The following RELN variants were observed in gnomAD, a reference collection of about 807,000 sequenced individuals.
RELN encodes reelin.
RELN carries 108 observed loss-of-function variants against 427.6 expected under a neutral mutation model. The ratio of observed to expected loss-of-function variants is 0.25; its 90% CI spans 0.22 to 0.30. RELN has a LOEUF of 0.30. Among genes scored for constraint, RELN ranks in the 10% least tolerant of loss-of-function variants. The pLI, the probability that RELN is intolerant of heterozygous loss-of-function variation, is 1.00. For synonymous variants in RELN, 1,524 were observed against 1,513.4 expected (o/e 1.01, Z -0.16); for missense variants, 3,715 against 4,302.8 (o/e 0.86, Z 3.82).
chr7:103,506,952 T>A (rs1413083295), intron 51 of RELN, among the ~76,000 whole-genome samples: 2 of 152,144 alleles, frequency 1.3e-5, no homozygotes, highest in African/African-American at 2.4e-5. Context: ...CATTACATAA[T>A]GGTAAAGGAA....
At chr7:103,635,193 T>A (rs1189302619) in intron 19 of RELN, among the ~76,000 whole-genome samples, 2 of 152,154 alleles carry the variant, frequency 1.3e-5, no homozygotes, top group Non-Finnish European at 2.9e-5. Flanking sequence ...CATCAAAATA[T>A]TTCCCTTAGA....
intron 24 of RELN, among the ~76,000 whole-genome samples, 164 bp from the exon 25 acceptor site, chr7:103,596,825 C>T (rs1020417169): frequency 1.3e-5 from 2 of 152,106 alleles, no homozygotes; most frequent in African/African-American, 4.8e-5. Context: ...GTTTCTGATC[C>T]GACTACGGTA....
chr7:103,903,027 G>C (rs1465166942), intron 2 of RELN, among the ~76,000 whole-genome samples: 6 of 152,074 alleles, frequency 3.9e-5, no homozygotes, highest in Non-Finnish European at 8.8e-5. Context: ...CAATGAGTGT[G>C]AACATGGAAC....
At chr7:103,576,689 C>A (rs148610256) in intron 28 of RELN, among the ~76,000 whole-genome samples, 91 of 152,190 alleles carry the variant, frequency 6.0e-4, no homozygotes, top group African/African-American at 2.0e-3. Flanking sequence ...AAGTTTGTAC[C>A]GACAGCTCTA....
At chr7:103,486,541 TAAAC>T (rs1562843993) in intron 60 of RELN, 125 bp from the exon 61 acceptor site, 1 of 682,818 alleles carries the variant, frequency 1.5e-6, no homozygotes, top group African/African-American at 2.0e-5. Context: ...ACAAGGAACT[TAAAC>T]AACTTTACAA....
At chr7:103,842,461 C>A (rs1793575222) in intron 2 of RELN, among the ~76,000 whole-genome samples, 1 of 152,110 alleles carries the variant, frequency 6.6e-6, no homozygotes, top group South Asian at 2.1e-4. Context: ...TCAGACATTT[C>A]AACAAAGCCA....
chr7:103,926,021 C>T (rs970305266), intron 1 of RELN, among the ~76,000 whole-genome samples: 3 of 150,996 alleles, frequency 2.0e-5, no homozygotes, highest in African/African-American at 7.3e-5. Flanking sequence ...AAAATTTGAA[C>T]TCACGTAACA....
intron 53 of RELN, among the ~76,000 whole-genome samples, 167 bp from the exon 54 acceptor site, chr7:103,498,419 G>A (rs922625443): frequency 9.2e-5 from 14 of 151,976 alleles, no homozygotes; most frequent in Non-Finnish European, 4.4e-5. Context: ...TTTTCCTGTC[G>A]TATATTGAAA....
chr7:103,849,482 C>A (rs39397), intron 2 of RELN, among the ~76,000 whole-genome samples: 78,917 of 151,954 alleles, frequency 0.52, 20,709 homozygotes, highest in African/African-American at 0.56. Flanking sequence ...ATATGATTTT[C>A]TCATTCTACT....
intron 10 of RELN, among the ~76,000 whole-genome samples, chr7:103,688,816 C>G (rs1833814814): frequency 6.6e-6 from 1 of 152,124 alleles, no homozygotes. Context: ...AATTAATAGA[C>G]TCTTGTGTTC....
intron 16 of RELN, among the ~76,000 whole-genome samples, chr7:103,646,852 T>C (rs1330655234): frequency 3.3e-5 from 5 of 152,006 alleles, no homozygotes; most frequent in African/African-American, 9.7e-5. Context: ...CTTATGAACA[T>C]AGATGCAAAA....
At chr7:103,595,090 A>T (rs1387987813) in intron 25 of RELN, among the ~76,000 whole-genome samples, 1 of 152,196 alleles carries the variant, frequency 6.6e-6, no homozygotes, top group Non-Finnish European at 1.5e-5. Flanking sequence ...TATATTTTAA[A>T]ATAATTTTGT....
In RELN at chr7:103,651,657, T is replaced by C. The variant is rs754135261; in HGVS notation, c.1892+4A>G. The C allele has an allele frequency of 6.2e-7, 1 of 1,610,796 alleles. No homozygotes were observed. Among genetic ancestry groups the C allele is most frequent in the East Asian group, 2.2e-5 (1 of 44,786 alleles). The stretch of plus-strand genomic sequence containing the variant: ...TTTCAATATCTCAGAGAGAATGTAC[T>C]CACCCACTGTAGTTTTCAGAGGAGT... On this transcript the variant is annotated splice_donor_region_variant and intron_variant, in intron 15 of 64. Transcript: ENST00000428762.
At chr7:103,860,435 T>C (rs1436436844) in intron 2 of RELN, among the ~76,000 whole-genome samples, 1 of 152,170 alleles carries the variant, frequency 6.6e-6, no homozygotes, top group African/African-American at 2.4e-5. Flanking sequence ...CAGAAAAATG[T>C]GTAATGAGGA....
chr7:103,590,870 A>C (rs1177955696), intron 27 of RELN, among the ~76,000 whole-genome samples: 1 of 152,202 alleles, frequency 6.6e-6, no homozygotes, highest in Non-Finnish European at 1.5e-5. Flanking sequence ...ACACATCTAG[A>C]GCTTTCCTCC....
At chr7:103,861,318 A>G (rs971951410) in intron 2 of RELN, among the ~76,000 whole-genome samples, 6 of 152,170 alleles carry the variant, frequency 3.9e-5, no homozygotes, top group Non-Finnish European at 8.8e-5. Flanking sequence ...AAAATGAGGA[A>G]AGAATGCAAC....
intron 22 of RELN, 46 bp from the exon 23 acceptor site, chr7:103,604,529 C>T: frequency 6.2e-7 from 1 of 1,607,132 alleles, no homozygotes; most frequent in East Asian, 2.2e-5. Context: ...AACCTTTCAG[C>T]AGTGACATTG....
chr7:103,716,683 A>AG (rs1789946827), intron 8 of RELN, among the ~76,000 whole-genome samples: 1 of 152,234 alleles, frequency 6.6e-6, no homozygotes, highest in Non-Finnish European at 1.5e-5. Context: ...GGTGTGTGCC[A>AG]AATTCTGTCT....
At chr7:103,484,106 C>A in intron 61 of RELN, 1 of 462,502 alleles carries the variant, frequency 2.2e-6, no homozygotes, top group Non-Finnish European at 3.9e-6. Context: ...TCTCGAACTC[C>A]TGACCTCAGG....
Sources: gnomAD v4.1 joint callset for allele counts (sites outside exome capture counted in the v4.1 genomes callset) on GRCh38, gnomAD v4.1.1 for gene constraint, MANE v1.5 for transcripts, NCBI Gene and HGNC (gene_info 2026-07-23, HGNC 2026-07-21) for gene names.